DBT: variants seen among roughly 807,000 people sequenced by gnomAD.
The protein encoded by DBT is dihydrolipoamide branched chain transacylase E2.
DBT carries 40 observed loss-of-function variants against 51.3 expected under a neutral mutation model. The observed-to-expected ratio is 0.78, with a 90% CI of 0.61 to 1.02. The LOEUF is 1.02. Ranked by LOEUF, DBT falls within the 50% of genes least tolerant of loss-of-function variation. The probability of loss-of-function intolerance (pLI) is 0.00; values close to 1 mark genes in which losing one functional copy is unlikely to be tolerated. For synonymous variants in DBT, 181 were observed against 190.4 expected, an observed-to-expected ratio of 0.95 and a Z score of 0.41; for missense variants, 510 against 580.2, an observed-to-expected ratio of 0.88 and a Z score of 1.24.
intron 1 of DBT, among the ~76,000 whole-genome samples, chr1:100,246,719 TG>T (rs36048113): frequency 1.3e-5 from 2 of 152,320 alleles, no homozygotes; most frequent in Non-Finnish European, 2.9e-5. Flanking sequence ...GCCAGGCACT[TG>T]GGATTATACA....
chr1:100,213,377 G>A, intron 7 of DBT: 3 of 1,550,916 alleles, frequency 1.9e-6, no homozygotes, highest in East Asian at 2.4e-5. Context: ...AGGCCCGCAC[G>A]GCTACGGCGC....
intron 7 of DBT, 35 bp from the exon 8 acceptor site, chr1:100,210,806 T>C (rs1553230086): frequency 6.2e-7 from 1 of 1,610,092 alleles, no homozygotes; most frequent in Non-Finnish European, 8.5e-7. Flanking sequence ...TTTTAGTACT[T>C]TTAACTTAGA....
intron 10 of DBT, among the ~76,000 whole-genome samples, chr1:100,198,245 A>G (rs1661219147): frequency 6.6e-6 from 1 of 152,236 alleles, no homozygotes; most frequent in South Asian, 2.1e-4. Flanking sequence ...ATACAAAAGG[A>G]CAAATACTGT....
intron 4 of DBT, among the ~76,000 whole-genome samples, chr1:100,219,408 A>G (rs1662705198): frequency 6.6e-6 from 1 of 152,166 alleles, no homozygotes; most frequent in African/African-American, 2.4e-5. Flanking sequence ...TTATATTTAT[A>G]AACAGCACGG....
intron 10 of DBT, among the ~76,000 whole-genome samples, chr1:100,203,426 A>G (rs1209922634): frequency 6.6e-6 from 1 of 152,248 alleles, no homozygotes; most frequent in African/African-American, 2.4e-5. Flanking sequence ...TGAATAGACC[A>G]ATAACAAGTT....
At position 100,196,212 on chromosome 1, in the gene DBT, A is replaced by T; in HGVS notation, c.*43T>A. The T allele has an allele frequency of 6.5e-7, 1 of 1,537,244 alleles. No individual in the cohort carries two copies. Among genetic ancestry groups the T allele is most frequent in the Non-Finnish European group, 9.0e-7 (1 of 1,110,294 alleles). ...GTGCTGGCACAGCTAGGGTTTACATACTCTTTGGAAGCTCAAAAAGTTCAA... is the reference window on the plus strand; with the variant it reads ...GTGCTGGCACAGCTAGGGTTTACATTCTCTTTGGAAGCTCAAAAAGTTCAA... On this transcript the variant is annotated 3_prime_UTR_variant, in exon 11 of 11. Transcript: ENST00000370132.
intron 8 of DBT, 63 bp downstream of exon 8, chr1:100,210,631 C>A (rs921877011): frequency 3.2e-5 from 52 of 1,607,144 alleles, no homozygotes; most frequent in Non-Finnish European, 3.9e-5. Flanking sequence ...AGTCTCTAAT[C>A]TACAAGCACA....
chr1:100,236,420 T>C (rs780101049), intron 2 of DBT, among the ~76,000 whole-genome samples: 4 of 152,254 alleles, frequency 2.6e-5, no homozygotes, highest in Non-Finnish European at 5.9e-5. Context: ...ATCTTTAGAC[T>C]GCTGTTAACC....
rs937099862 is a variant in DBT, at chr1:100,188,227, T to A, written c.*8028A>T. 1.3e-5 allele frequency: 2 copies of A among 152,228 alleles called. No homozygotes were observed. The highest frequency in any genetic ancestry group is 1.3e-4 in the Admixed American group (2 of 15,282). 9.4% of individuals were successfully genotyped at this position (152,228 alleles called of 1,614,324 possible). A position where few individuals can be genotyped will look rare whatever the true frequency, so the allele number is the denominator to read the frequency against. On this transcript the variant is annotated 3_prime_UTR_variant, in exon 11 of 11. Coordinates refer to ENST00000370132, the MANE Select transcript of DBT (RefSeq NM_001918.5). Reference sequence around the variant, plus strand: ...TTGAATATCTAATGTTTCAAACTGTTAGTCCTGTTCTGATTTATATTCATC... The same window carrying A: ...TTGAATATCTAATGTTTCAAACTGTAAGTCCTGTTCTGATTTATATTCATC...
At chr1:100,244,538 A>G (rs1324125851) in intron 1 of DBT, among the ~76,000 whole-genome samples, 1 of 152,212 alleles carries the variant, frequency 6.6e-6, no homozygotes, top group East Asian at 1.9e-4. Flanking sequence ...AAAAATAACT[A>G]TTACCGTATT....
intron 7 of DBT, among the ~76,000 whole-genome samples, chr1:100,213,965 A>AG (rs1557947884): frequency 4.3e-4 from 58 of 135,444 alleles, no homozygotes; most frequent in Non-Finnish European, 7.6e-4. Context: ...AAAAAAAAAA[A>AG]AAGAGAGAGA....
At position 100,216,054 on chromosome 1, in the gene DBT, T is replaced by C. The variant is rs774756470; in HGVS notation, c.701A>G (p.Asp234Gly). 6.2e-7 allele frequency: 1 copy of C among 1,613,828 alleles called. No individual in the cohort carries two copies. Among genetic ancestry groups the C allele is most frequent in the Non-Finnish European group, 8.5e-7 (1 of 1,179,726 alleles). Residue 234 changes from aspartate to glycine, a missense_variant, in exon 6 of 11, where the codon GAC (aspartate) becomes GGC (glycine). By Grantham distance (94) the Asp-to-Gly change is moderately conservative (BLOSUM62 -1). Transcript: ENST00000370132. ...TGATACTAGTATAGGAACAGTCATGTCTTTTGGCTTTGGTGGAGGTGGCAT... is the reference window on the plus strand; with the variant it reads ...TGATACTAGTATAGGAACAGTCATGCCTTTTGGCTTTGGTGGAGGTGGCAT... Reference protein sequence around the residue: ...EIMPPPPKPKDMTVPILVSKP... With the variant: ...EIMPPPPKPKGMTVPILVSKP...
At chr1:100,223,589 C>A (rs1306911157) in intron 4 of DBT, among the ~76,000 whole-genome samples, 2 of 152,170 alleles carry the variant, frequency 1.3e-5, no homozygotes, top group African/African-American at 4.8e-5. Context: ...ACCTCAGCCT[C>A]CTGCATAGCT....
chr1:100,203,138 C>A (rs1278359773), intron 10 of DBT, among the ~76,000 whole-genome samples: 1 of 151,870 alleles, frequency 6.6e-6, no homozygotes, highest in Non-Finnish European at 1.5e-5. Flanking sequence ...AAAAACCCTT[C>A]AAAAAAATCA....
At position 100,196,304 on chromosome 1, in the gene DBT, C is replaced by T. The variant is rs767760099; in HGVS notation, c.1400G>A (p.Trp467Ter). The T allele has an allele frequency of 1.9e-6, 3 of 1,613,522 alleles. No individual in the cohort carries two copies. The highest frequency in any genetic ancestry group is 2.5e-6 in the Non-Finnish European group (3 of 1,179,948). ...GATMSRFSNLWKSYLENPAFM... is the reference protein window; with the variant it reads ...GATMSRFSNL ...AGCTGGGTTTTCTAAATAGGATTTC[C>T]ACAAATTGGAGAAGCGTGACATTGT... Residue 467 changes from tryptophan (W) to a stop codon, truncating the protein, a stop_gained, in exon 11 of 11, where the codon TGG becomes TAG. Transcript: ENST00000370132. LOFTEE classifies it high-confidence loss of function.
rs1570817889 is a variant in DBT, at chr1:100,216,238, T to C, written c.556-39A>G. 4 of 1,378,608 alleles carry C rather than the reference T, an allele frequency of 2.9e-6. No homozygotes were observed. In the Admixed American group the frequency reaches 6.7e-5, roughly 23 times the overall value. 85.4% of individuals were successfully genotyped at this position (1,378,608 alleles called of 1,614,324 possible). ...TATTTTAATGCCAAAAATACAACTA[T>C]TTAAAAACATCATTAAAGTTTCAAA... On this transcript the variant is annotated intron_variant, in intron 5 of 10. Transcript: ENST00000370132.
At chr1:100,241,371 TGTG>T (rs1289041476) in intron 1 of DBT, among the ~76,000 whole-genome samples, 1 of 8,156 alleles carries the variant, frequency 1.2e-4, no homozygotes, top group Non-Finnish European at 6.6e-4. Context: ...AGGTATTGTG[TGTG>T]TGTGTGTGTG....
intron 3 of DBT, among the ~76,000 whole-genome samples, chr1:100,234,473 C>CAAAAAAAAAAAAAAAAA (rs554699734): frequency 8.3e-6 from 1 of 120,082 alleles, no homozygotes. Context: ...TCATCTCTAC[C>CAAAAAAAAAAAAAAAAA]AAAAAAAAAA....
At chr1:100,223,036 A>G (rs376570917) in intron 4 of DBT, among the ~76,000 whole-genome samples, 6 of 152,346 alleles carry the variant, frequency 3.9e-5, no homozygotes, top group African/African-American at 1.4e-4. Context: ...ACCTGGCACA[A>G]GGACAATCTA....
Sources: allele counts gnomAD v4.1 joint callset (sites outside exome capture counted in the v4.1 genomes callset), GRCh38; gene constraint gnomAD v4.1.1; transcripts MANE v1.5; gene names NCBI Gene and HGNC (gene_info 2026-07-23, HGNC 2026-07-21).